The following TNFAIP8 variants were observed in gnomAD, a reference collection of about 807,000 sequenced individuals.
The protein encoded by TNFAIP8 is TNF alpha induced protein 8.
Under a neutral mutation model 13.3 loss-of-function variants are expected in TNFAIP8, and 7 were observed. That is an observed-to-expected ratio of 0.52 (90% CI 0.30 to 0.99). TNFAIP8 has a LOEUF of 0.99. Ranked by LOEUF, TNFAIP8 falls within the 50% of genes least tolerant of loss-of-function variation. The pLI, the probability that TNFAIP8 is intolerant of heterozygous loss-of-function variation, is 0.07. For synonymous variants in TNFAIP8, 94 were observed against 87.6 expected (o/e 1.07, Z -0.41); for missense variants, 258 against 236.9 (o/e 1.09, Z -0.58).
Position 119,356,059 on chromosome 5 carries a change from T to A in TNFAIP8, c.-32T>A. ...GGCTCGTCCGAGTACATGTGAGCGG[T>A]AATCGCCCCTGCAGCTGGTTATCCT... On this transcript the variant is annotated 5_prime_UTR_variant, in exon 1 of 2. Transcript: ENST00000504771. 1 of 1,560,602 alleles carries A rather than the reference T, an allele frequency of 6.4e-7. No homozygotes were observed.
chr5:119,329,502 A>G (rs1750314078), intron 1 of TNFAIP8, among the ~76,000 whole-genome samples: 1 of 152,064 alleles, frequency 6.6e-6, no homozygotes, highest in Admixed American at 6.5e-5. Flanking sequence ...CCTTTCTGTT[A>G]AATAGAAAGG....
intron 1 of TNFAIP8, among the ~76,000 whole-genome samples, chr5:119,335,694 C>T (rs1750529222): frequency 1.3e-5 from 2 of 152,070 alleles, no homozygotes; most frequent in African/African-American, 4.8e-5. Flanking sequence ...ATGTCCCAGG[C>T]ACCTTCCAGG....
intron 1 of TNFAIP8, among the ~76,000 whole-genome samples, chr5:119,298,015 G>A (rs1468832295): frequency 3.9e-5 from 6 of 152,288 alleles, no homozygotes; most frequent in African/African-American, 1.4e-4. Flanking sequence ...CACATGAGAT[G>A]CATTTCCTGA....
At chr5:119,279,127 A>G (rs1417798883) in intron 1 of TNFAIP8, among the ~76,000 whole-genome samples, 5 of 152,196 alleles carry the variant, frequency 3.3e-5, no homozygotes, top group Non-Finnish European at 7.3e-5. Context: ...CTTCAGGAGG[A>G]ATCTATGAGA....
At chr5:119,366,334 T>C (rs1751857193) in intron 1 of TNFAIP8, among the ~76,000 whole-genome samples, 1 of 152,040 alleles carries the variant, frequency 6.6e-6, no homozygotes, top group Non-Finnish European at 1.5e-5. Context: ...CAATGAAATG[T>C]GGCATTTGGA....
chr5:119,315,283 C>T (rs1749855005), intron 1 of TNFAIP8, among the ~76,000 whole-genome samples: 1 of 152,146 alleles, frequency 6.6e-6, no homozygotes, highest in Non-Finnish European at 1.5e-5. Context: ...AGGGTTTCAC[C>T]ATGTTGGCCA....
intron 1 of TNFAIP8, 94 bp from the exon 2 acceptor site, chr5:119,392,722 G>GA (rs1214378502): frequency 6.6e-6 from 9 of 1,358,846 alleles, no homozygotes; most frequent in Non-Finnish European, 7.8e-6. Context: ...GGAAAATGAG[G>GA]AAAAAAAGTG....
chr5:119,339,459 T>G (rs937427778), intron 1 of TNFAIP8, among the ~76,000 whole-genome samples: 73 of 102,604 alleles, frequency 7.1e-4, no homozygotes, highest in African/African-American at 3.4e-3. Context: ...CTTGTGGTGT[T>G]TTTTTTTTTT....
In TNFAIP8 at chr5:119,268,908, G is replaced by A. The variant is rs1748172702; in HGVS notation, c.1+1G>A. 7.1e-6 allele frequency: 5 copies of A among 700,896 alleles called. No individual in the cohort carries two copies. In the East Asian group the frequency reaches 1.4e-4, roughly 19 times the overall value. 43.4% of individuals were successfully genotyped at this position (700,896 alleles called of 1,614,324 possible). ...CGGCGCCGTCGCGCCACTCCTCCGAGTAAGTGGCTCCTGGGCGCGCCCGTC... is the reference window on the plus strand; with the variant it reads ...CGGCGCCGTCGCGCCACTCCTCCGAATAAGTGGCTCCTGGGCGCGCCCGTC... On this transcript the variant is annotated splice_donor_variant, in intron 1 of 1. Transcript: ENST00000274456. LOFTEE classifies it high-confidence loss of function.
At chr5:119,374,696 T>C (rs1485510947) in intron 1 of TNFAIP8, among the ~76,000 whole-genome samples, 1 of 152,114 alleles carries the variant, frequency 6.6e-6, no homozygotes, top group East Asian at 1.9e-4. Context: ...GCGGGGTAGC[T>C]AGGGCATATG....
chr5:119,299,035 C>T (rs1457872211), intron 1 of TNFAIP8, among the ~76,000 whole-genome samples: 4 of 152,134 alleles, frequency 2.6e-5, no homozygotes, highest in Non-Finnish European at 4.4e-5. Flanking sequence ...TTTTTAACTT[C>T]TTTGCCTTTG....
At chr5:119,279,911 G>A (rs75136271) in intron 1 of TNFAIP8, among the ~76,000 whole-genome samples, 36 of 152,144 alleles carry the variant, frequency 2.4e-4, no homozygotes, top group East Asian at 1.2e-3. Context: ...AACAGTGTTC[G>A]TAAGATGCTG....
intron 1 of TNFAIP8, among the ~76,000 whole-genome samples, chr5:119,293,983 A>C (rs1027039931): frequency 1.3e-5 from 2 of 152,170 alleles, no homozygotes; most frequent in Non-Finnish European, 2.9e-5. Context: ...TTGGAACCAA[A>C]TCCATAGTAT....
chr5:119,393,301 A>G lies in TNFAIP8; in HGVS notation c.517A>G (p.Asn173Asp). 1 of 1,613,990 alleles carries G rather than the reference A, an allele frequency of 6.2e-7. No homozygotes were observed. The highest frequency in any genetic ancestry group is 8.5e-7 in the Non-Finnish European group (1 of 1,179,876). Residue 173 changes from asparagine (N) to aspartate (D), a missense_variant, in exon 2 of 2, where the codon AAT (asparagine) becomes GAT (aspartate). Transcript: ENST00000504771. ...TTGTGAATTTTTGGCTGCCTTGTAT[A>G]ATCCTTTTGGGAATTTTAAACCCCA... Reference protein sequence around the residue: ...SDCEFLAALYNPFGNFKPHLQ... With the variant: ...SDCEFLAALYDPFGNFKPHLQ...
chr5:119,386,935 A>C (rs1158247484), intron 1 of TNFAIP8, among the ~76,000 whole-genome samples: 2 of 150,196 alleles, frequency 1.3e-5, no homozygotes, highest in Non-Finnish European at 3.0e-5. Context: ...TTTAGAGTTC[A>C]TATCTGTGCT....
chr5:119,301,608 C>T (rs1042614576), intron 1 of TNFAIP8, among the ~76,000 whole-genome samples: 4 of 152,138 alleles, frequency 2.6e-5, no homozygotes, highest in Non-Finnish European at 5.9e-5. Context: ...GAGTCTAGCA[C>T]GAGGTAGGCC....
chr5:119,357,996 C>T (rs1362847290), intron 1 of TNFAIP8, among the ~76,000 whole-genome samples: 1 of 151,998 alleles, frequency 6.6e-6, no homozygotes, highest in Non-Finnish European at 1.5e-5. Context: ...CTAGAACCTT[C>T]TGGTTAGCTA....
upstream of TNFAIP8, chr5:119,355,983 T>G: frequency 7.9e-6 from 12 of 1,512,530 alleles, no homozygotes; most frequent in Non-Finnish European, 8.9e-6. Flanking sequence ...TTAGTGGCTT[T>G]CTTCCTTTTA....
chr5:119,389,194 A>G (rs533970240), intron 1 of TNFAIP8, among the ~76,000 whole-genome samples: 4 of 152,334 alleles, frequency 2.6e-5, no homozygotes, highest in East Asian at 3.9e-4. Context: ...GAGATCATAA[A>G]GAGTGAAAGA....
Sources: allele counts gnomAD v4.1 joint callset (sites outside exome capture counted in the v4.1 genomes callset), GRCh38; gene constraint gnomAD v4.1.1; transcripts MANE v1.5; gene names NCBI Gene and HGNC (gene_info 2026-07-23, HGNC 2026-07-21).